Variants in FER1L6 observed in about 807,000 individuals in gnomAD.
FER1L6 encodes the protein fer-1-like protein 6.
FER1L6 carries 177 observed loss-of-function variants against 219.2 expected under a neutral mutation model. That is an observed-to-expected ratio of 0.81 (90% CI 0.71 to 0.91). The LOEUF (loss-of-function observed/expected upper bound fraction) is 0.91. FER1L6 is among the 40% of genes least tolerant of loss of function. The pLI is 0.00. For missense variants in FER1L6, 2,153 were observed against 2,259.9 expected (o/e 0.95, Z 0.96); for synonymous variants, 768 against 824.3 (o/e 0.93, Z 1.17).
intron 1 of FER1L6, among the ~76,000 whole-genome samples, chr8:123,924,273 G>T (rs529910335): frequency 6.6e-6 from 1 of 151,358 alleles, no homozygotes; most frequent in South Asian, 2.1e-4. Context: ...GGCTGGGTGC[G>T]GTGGCTCACG....
intron 1 of FER1L6, among the ~76,000 whole-genome samples, chr8:123,933,509 C>T (rs1394889429): frequency 6.6e-6 from 1 of 152,140 alleles, no homozygotes; most frequent in African/African-American, 2.4e-5. Context: ...GCAAGCAGCA[C>T]CCAGCTCTTA....
At chr8:123,920,908 A>G (rs1194003950) in intron 1 of FER1L6, among the ~76,000 whole-genome samples, 3 of 152,102 alleles carry the variant, frequency 2.0e-5, no homozygotes, top group African/African-American at 7.2e-5. Context: ...GAGTGTGACT[A>G]CCTATACTAC....
At chr8:124,014,308 T>C in intron 15 of FER1L6, 1 of 152,842 alleles carries the variant, frequency 6.5e-6, no homozygotes, top group Non-Finnish European at 1.5e-5. Context: ...GGGATGAAGC[T>C]GCACAGGAAC....
intron 33 of FER1L6, among the ~76,000 whole-genome samples, chr8:124,089,288 A>G (rs1222577486): frequency 6.6e-6 from 1 of 152,170 alleles, no homozygotes; most frequent in Non-Finnish European, 1.5e-5. Flanking sequence ...GTGACAGGGT[A>G]GCACTGAGTT....
chr8:123,986,985 G>A (rs114140281), intron 12 of FER1L6, among the ~76,000 whole-genome samples: 194 of 152,322 alleles, frequency 1.3e-3, no homozygotes, highest in African/African-American at 4.5e-3. Context: ...ACATAGGAGT[G>A]CAGACATCTC....
intron 1 of FER1L6, among the ~76,000 whole-genome samples, chr8:123,859,297 A>G (rs11997649): frequency 0.024 from 3,694 of 152,250 alleles, 142 homozygotes; most frequent in African/African-American, 0.084. Flanking sequence ...CACCATGCCT[A>G]GCCTATTTAT....
Position 123,959,317 on chromosome 8 carries a change from C to T in FER1L6, c.76+3243C>T, listed in dbSNP as rs542103206. Among the ~76,000 whole-genome samples the T allele has an allele frequency of 6.6e-5, 10 of 152,294 alleles. No individual in the cohort carries two copies. The East Asian group carries it at 1.9e-3, about 29-fold the overall frequency. Reference sequence around the variant, plus strand: ...GCATCTACTCTAGCACCTTTTCTTGCATATATAACGTGTCTTTGAACGTTC... The same window carrying T: ...GCATCTACTCTAGCACCTTTTCTTGTATATATAACGTGTCTTTGAACGTTC... On this transcript the variant is annotated intron_variant, in intron 2 of 40. Transcript: ENST00000522917.
At chr8:124,024,581 C>A (rs1818622538) in intron 18 of FER1L6, among the ~76,000 whole-genome samples, 1 of 152,074 alleles carries the variant, frequency 6.6e-6, no homozygotes, top group South Asian at 2.1e-4. Context: ...GTATATATAT[C>A]ACATTTTCTT....
At chr8:124,033,471 CCAA>C (rs1251491343) in intron 18 of FER1L6, among the ~76,000 whole-genome samples, 2 of 151,966 alleles carry the variant, frequency 1.3e-5, no homozygotes, top group African/African-American at 4.8e-5. Flanking sequence ...GTTGCCTTTA[CCAA>C]CAACAAAATA....
chr8:123,937,471 G>A (rs1814053346), intron 1 of FER1L6, among the ~76,000 whole-genome samples: 1 of 152,178 alleles, frequency 6.6e-6, no homozygotes, highest in Non-Finnish European at 1.5e-5. Context: ...CCTGAGAAAA[G>A]GCCTTTGAGT....
chr8:124,098,089 G>C (rs769995041), intron 37 of FER1L6, among the ~76,000 whole-genome samples: 2 of 152,130 alleles, frequency 1.3e-5, no homozygotes, highest in Non-Finnish European at 2.9e-5. Context: ...ATTTTTATGA[G>C]GAAATCTTAT....
At chr8:124,078,180 A>T (rs1191584930) in intron 32 of FER1L6, among the ~76,000 whole-genome samples, 4 of 151,572 alleles carry the variant, frequency 2.6e-5, no homozygotes, top group Non-Finnish European at 5.9e-5. Context: ...TTGTGGAATG[A>T]ACAGATGGAT....
intron 8 of FER1L6, 42 bp from the exon 9 acceptor site, chr8:123,975,856 C>T (rs1816045003): frequency 1.4e-6 from 2 of 1,468,192 alleles, no homozygotes; most frequent in African/African-American, 1.4e-5. Context: ...TCTGTTTCTT[C>T]AATTGAGAGA....
At chr8:123,917,234 T>A (rs568167274) in intron 1 of FER1L6, among the ~76,000 whole-genome samples, 2 of 152,350 alleles carry the variant, frequency 1.3e-5, no homozygotes, top group African/African-American at 4.8e-5. Context: ...AAGTGTTGAC[T>A]GATGGTGACC....
Position 124,097,375 on chromosome 8 carries a change from C to A in FER1L6, c.4784+16C>A. 2 of 1,575,040 alleles carry A rather than the reference C, an allele frequency of 1.3e-6. No individual in the cohort carries two copies. The highest frequency in any genetic ancestry group is 1.7e-6 in the Non-Finnish European group (2 of 1,146,916). ...GACCCAAAGGGTATGTCAGCTGTAG[C>A]CCCAGCTTCAGGGGAAGAGACCAGG... On this transcript the variant is annotated intron_variant, in intron 36 of 40. Coordinates refer to ENST00000522917, the MANE Select transcript of FER1L6 (RefSeq NM_001039112.2).
chr8:123,914,375 C>CAT (rs1292582343), intron 1 of FER1L6, among the ~76,000 whole-genome samples: 3 of 152,244 alleles, frequency 2.0e-5, no homozygotes, highest in East Asian at 1.9e-4. Context: ...GGGAAAAAGA[C>CAT]ATATATATAC....
At chr8:123,872,191 T>C (rs1816935252) in intron 1 of FER1L6, among the ~76,000 whole-genome samples, 1 of 152,164 alleles carries the variant, frequency 6.6e-6, no homozygotes, top group South Asian at 2.1e-4. Context: ...GAGATGGCAC[T>C]AAATCATTCG....
chr8:123,955,950 G>T, intron 1 of FER1L6, 42 bp from the exon 2 acceptor site: 1 of 1,549,384 alleles, frequency 6.5e-7, no homozygotes, highest in South Asian at 1.2e-5. Flanking sequence ...ACGTCTAAAT[G>T]ACTCAAAGTT....
intron 12 of FER1L6, among the ~76,000 whole-genome samples, chr8:123,996,428 T>G (rs538601827): frequency 6.6e-6 from 1 of 152,168 alleles, no homozygotes; most frequent in African/African-American, 2.4e-5. Flanking sequence ...GAAATCTACT[T>G]TATGTGATAT....
Sources: gnomAD v4.1 joint callset for allele counts (sites outside exome capture counted in the v4.1 genomes callset) on GRCh38, gnomAD v4.1.1 for gene constraint, MANE v1.5 for transcripts, NCBI Gene and HGNC (gene_info 2026-07-23, HGNC 2026-07-21) for gene names.